The following SCARA5 variants were observed in gnomAD, a reference collection of about 807,000 sequenced individuals.
SCARA5 encodes the protein scavenger receptor class A member 5.
A neutral mutation model predicts 46.3 loss-of-function variants in SCARA5; 45 were observed. That is an observed-to-expected ratio of 0.97 (90% confidence interval 0.76 to 1.24). SCARA5 has a LOEUF of 1.24. Among genes scored for constraint, SCARA5 ranks in the 50% most tolerant of loss-of-function variants. SCARA5 has a pLI of 0.00. For missense variants in SCARA5, 680 were observed against 689.0 expected (o/e 0.99, Z 0.15); for synonymous variants, 333 against 306.5 (o/e 1.09, Z -0.90).
chr8:27,935,763 TA>T (rs898064596), intron 3 of SCARA5, among the ~76,000 whole-genome samples: 33 of 151,874 alleles, frequency 2.2e-4, no homozygotes, highest in African/African-American at 8.0e-4. Flanking sequence ...TCCCAGCAGA[TA>T]GGGGGAGAGC....
chr8:27,973,678 ACT>A (rs751786790), intron 2 of SCARA5, among the ~76,000 whole-genome samples: 7 of 152,026 alleles, frequency 4.6e-5, no homozygotes, highest in Non-Finnish European at 5.9e-5. Context: ...CTGGATGCTC[ACT>A]CTCTGATTCA....
chr8:27,955,849 G>A (rs776887630), intron 3 of SCARA5, among the ~76,000 whole-genome samples: 2 of 152,210 alleles, frequency 1.3e-5, no homozygotes, highest in Non-Finnish European at 2.9e-5. Flanking sequence ...AGGGGTGCAG[G>A]TCAGGGTGCT....
At chr8:27,939,105 G>A (rs1807903068) in intron 3 of SCARA5, among the ~76,000 whole-genome samples, 2 of 152,146 alleles carry the variant, frequency 1.3e-5, no homozygotes, top group Non-Finnish European at 2.9e-5. Context: ...AATTTTTAAA[G>A]TTTTATAGTA....
chr8:27,921,071 C>A (rs1378952877), intron 4 of SCARA5, among the ~76,000 whole-genome samples: 1 of 152,246 alleles, frequency 6.6e-6, no homozygotes, highest in Non-Finnish European at 1.5e-5. Flanking sequence ...GAAATACGTT[C>A]TTTTGCCTAA....
At chr8:27,959,433 C>T (rs998655604) in intron 3 of SCARA5, among the ~76,000 whole-genome samples, 7 of 152,052 alleles carry the variant, frequency 4.6e-5, no homozygotes, top group African/African-American at 1.5e-4. Flanking sequence ...TAATTACCTG[C>T]TATATGTGGC....
chr8:27,888,494 T>G (rs942309999), intron 7 of SCARA5, among the ~76,000 whole-genome samples: 2 of 152,222 alleles, frequency 1.3e-5, no homozygotes, highest in Non-Finnish European at 2.9e-5. Flanking sequence ...ATGTCTTGAT[T>G]TAGAAATTTG....
intron 3 of SCARA5, among the ~76,000 whole-genome samples, chr8:27,923,272 G>A (rs2685319): frequency 1 from 152,322 of 152,334 alleles, 76,155 homozygotes; most frequent in Non-Finnish European, 1. Context: ...TCCTGAGTTC[G>A]GGGCCCTTTC....
intron 3 of SCARA5, among the ~76,000 whole-genome samples, chr8:27,927,671 G>A (rs893353048): frequency 6.6e-6 from 1 of 151,926 alleles, no homozygotes; most frequent in Non-Finnish European, 1.5e-5. Flanking sequence ...AACGCAGAAA[G>A]GTTCCTCCCC....
At chr8:27,916,509 A>C (rs1807463946) in intron 4 of SCARA5, among the ~76,000 whole-genome samples, 2 of 151,970 alleles carry the variant, frequency 1.3e-5, no homozygotes, top group Non-Finnish European at 2.9e-5. Flanking sequence ...GCAGGTGTGG[A>C]TGTGTGTGTG....
intron 4 of SCARA5, among the ~76,000 whole-genome samples, chr8:27,911,932 T>A (rs1807384219): frequency 6.6e-6 from 1 of 152,120 alleles, no homozygotes; most frequent in African/African-American, 2.4e-5. Flanking sequence ...TGAGAGCACA[T>A]GTGGCAACAG....
At chr8:27,957,901 G>A (rs1268163961) in intron 3 of SCARA5, among the ~76,000 whole-genome samples, 4 of 152,190 alleles carry the variant, frequency 2.6e-5, no homozygotes, top group Non-Finnish European at 5.9e-5. Context: ...CTTGTGAAGG[G>A]CCAGGTAGTA....
intron 6 of SCARA5, among the ~76,000 whole-genome samples, chr8:27,905,512 G>C (rs942653419): frequency 5.1e-5 from 6 of 116,868 alleles, no homozygotes; most frequent in Non-Finnish European, 1.0e-4. Flanking sequence ...TGCCCAGGAT[G>C]ATCCAAGATT....
intron 8 of SCARA5, among the ~76,000 whole-genome samples, chr8:27,878,347 G>A (rs1241858848): frequency 1.3e-5 from 2 of 152,194 alleles, no homozygotes; most frequent in Non-Finnish European, 2.9e-5. Context: ...TGCCATCAAG[G>A]GAAAGCTCAC....
chr8:27,912,548 G>A (rs1366332735), intron 4 of SCARA5, among the ~76,000 whole-genome samples: 3 of 152,220 alleles, frequency 2.0e-5, no homozygotes, highest in Non-Finnish European at 2.9e-5. Flanking sequence ...AAGCAAATGC[G>A]TTCCACTACC....
At chr8:27,968,197 C>A (rs1470326187) in intron 2 of SCARA5, among the ~76,000 whole-genome samples, 1 of 152,160 alleles carries the variant, frequency 6.6e-6, no homozygotes, top group Non-Finnish European at 1.5e-5. Context: ...CCTGGTCCCC[C>A]AGAGGTATTG....
At chr8:27,878,473 G>GCCA (rs1402854298) in intron 8 of SCARA5, among the ~76,000 whole-genome samples, 3 of 152,218 alleles carry the variant, frequency 2.0e-5, no homozygotes, top group Non-Finnish European at 4.4e-5. Context: ...GTTTGAATCA[G>GCCA]CCATCTACCT....
chr8:27,937,973 G>A (rs1259965613), intron 3 of SCARA5, among the ~76,000 whole-genome samples: 2 of 152,154 alleles, frequency 1.3e-5, no homozygotes, highest in Non-Finnish European at 1.5e-5. Flanking sequence ...GGGCTTCCAC[G>A]TGTGGATTTG....
intron 3 of SCARA5, among the ~76,000 whole-genome samples, chr8:27,942,221 GC>G (rs1807957982): frequency 1.3e-5 from 2 of 152,096 alleles, no homozygotes; most frequent in African/African-American, 4.8e-5. Flanking sequence ...GAGTCTTGCA[GC>G]CCCAAGTCAG....
chr8:27,991,841 A>C (rs1808790039), intron 1 of SCARA5, among the ~76,000 whole-genome samples: 1 of 151,672 alleles, frequency 6.6e-6, no homozygotes, highest in Admixed American at 6.6e-5. Context: ...ACACGCACAG[A>C]CATGCACACA....
Sources: allele counts gnomAD v4.1 joint callset (sites outside exome capture counted in the v4.1 genomes callset), GRCh38; gene constraint gnomAD v4.1.1; transcripts MANE v1.5; gene names NCBI Gene and HGNC (gene_info 2026-07-23, HGNC 2026-07-21).